Variants in HBP1 observed in about 807,000 individuals in gnomAD.
HBP1 encodes HMG-box transcription factor 1, also known as HMG box-containing protein 1.
HBP1 carries 20 observed loss-of-function variants against 62.6 expected under a neutral mutation model. The ratio of observed to expected loss-of-function variants is 0.32; its 90% CI spans 0.22 to 0.46. HBP1 has a LOEUF of 0.46. Among genes scored for constraint, HBP1 ranks in the 20% least tolerant of loss-of-function variants. The pLI is 1.00. For synonymous variants in HBP1, 232 were observed against 206.2 expected (o/e 1.12, Z -1.07); for missense variants, 480 against 611.8 (o/e 0.78, Z 2.27).
intron 6 of HBP1, among the ~76,000 whole-genome samples, chr7:107,188,062 C>G (rs1369861365): frequency 6.6e-6 from 1 of 152,152 alleles, no homozygotes; most frequent in Non-Finnish European, 1.5e-5. Flanking sequence ...AGATTGTTAA[C>G]CCCTCTGAGT....
intron 1 of HBP1, among the ~76,000 whole-genome samples, chr7:107,175,362 T>C (rs1389261632): frequency 3.3e-5 from 5 of 152,350 alleles, no homozygotes; most frequent in South Asian, 2.1e-4. Context: ...TAGGTACTTT[T>C]ATTGCCATTT....
At chr7:107,194,951 C>A (rs1797818456) in intron 8 of HBP1, among the ~76,000 whole-genome samples, 1 of 152,202 alleles carries the variant, frequency 6.6e-6, no homozygotes, top group Non-Finnish European at 1.5e-5. Flanking sequence ...TGTTATAGGT[C>A]ATGGATGGCC....
intron 8 of HBP1, chr7:107,193,179 T>C (rs2115957171): frequency 6.6e-6 from 1 of 152,342 alleles, no homozygotes; most frequent in Non-Finnish European, 1.5e-5. Flanking sequence ...CAGTTTTGAC[T>C]CTTTGAAGTT....
At chr7:107,171,073 A>ATTTTTTTTTTTTTTTT (rs60734729) in intron 1 of HBP1, among the ~76,000 whole-genome samples, 1 of 87,200 alleles carries the variant, frequency 1.1e-5, no homozygotes, top group East Asian at 3.0e-4. Context: ...ATATATATAT[A>ATTTTTTTTTTTTTTTT]TTTTTTTTTT....
intron 3 of HBP1, among the ~76,000 whole-genome samples, chr7:107,184,372 G>A (rs908458512): frequency 2.6e-5 from 4 of 152,144 alleles, no homozygotes; most frequent in African/African-American, 9.7e-5. Context: ...ATGTGAACAT[G>A]AAAGTATAGA....
At chr7:107,172,483 A>G (rs949115080) in intron 1 of HBP1, among the ~76,000 whole-genome samples, 8 of 152,200 alleles carry the variant, frequency 5.3e-5, no homozygotes, top group Admixed American at 2.0e-4. Flanking sequence ...AAGAATTTTT[A>G]GATGATGTCG....
intron 8 of HBP1, among the ~76,000 whole-genome samples, chr7:107,193,502 T>C (rs1797749770): frequency 6.6e-6 from 1 of 152,178 alleles, no homozygotes; most frequent in African/African-American, 2.4e-5. Context: ...CTTATGTTTA[T>C]TGTTCTTTTT....
chr7:107,169,592 GC>G, intron 1 of HBP1: 1 of 245,392 alleles, frequency 4.1e-6, no homozygotes, highest in Non-Finnish European at 6.5e-6. Flanking sequence ...TCGGAGCTTG[GC>G]CAGGGGTGGG....
At chr7:107,199,262 T>G (rs1007805943) in intron 9 of HBP1, among the ~76,000 whole-genome samples, 1 of 152,018 alleles carries the variant, frequency 6.6e-6, no homozygotes, top group Non-Finnish European at 1.5e-5. Flanking sequence ...ATAGTAGAGA[T>G]GGGGTGACGG....
At chr7:107,195,065 G>A (rs1797826574) in intron 8 of HBP1, among the ~76,000 whole-genome samples, 1 of 152,112 alleles carries the variant, frequency 6.6e-6, no homozygotes, top group South Asian at 2.1e-4. Context: ...TTTTGAGACG[G>A]AGTCTCACTC....
At chr7:107,178,841 T>C (rs1796978323) in intron 1 of HBP1, among the ~76,000 whole-genome samples, 1 of 152,206 alleles carries the variant, frequency 6.6e-6, no homozygotes, top group Admixed American at 6.5e-5. Flanking sequence ...GAGACCAGCC[T>C]GGCCAACATG....
chr7:107,171,721 A>G (rs571503143), intron 1 of HBP1, among the ~76,000 whole-genome samples: 39 of 152,046 alleles, frequency 2.6e-4, no homozygotes, highest in Admixed American at 1.8e-3. Flanking sequence ...TTAGCTGGGC[A>G]TGGTGGCGCA....
intron 3 of HBP1, 40 bp downstream of exon 3, chr7:107,182,641 A>G (rs375199404): frequency 1.4e-5 from 15 of 1,085,422 alleles, no homozygotes; most frequent in African/African-American, 3.1e-5. Context: ...ACATTCTATC[A>G]TTACACAAAG....
chr7:107,177,763 TGAA>T (rs1290221780), intron 1 of HBP1, among the ~76,000 whole-genome samples: 1 of 152,214 alleles, frequency 6.6e-6, no homozygotes, highest in Non-Finnish European at 1.5e-5. Flanking sequence ...TATGTGTACA[TGAA>T]GAAGAAATTG....
At chr7:107,177,808 A>G (rs1260202652) in intron 1 of HBP1, among the ~76,000 whole-genome samples, 1 of 152,218 alleles carries the variant, frequency 6.6e-6, no homozygotes, top group Non-Finnish European at 1.5e-5. Flanking sequence ...AAAAATATCT[A>G]AGTCTGGTTG....
rs1436904135 is a variant in HBP1, at chr7:107,186,162, TTTTC to T, written c.541-195_541-192del. Among the ~76,000 whole-genome samples the T allele has an allele frequency of 1.4e-3, 212 of 147,444 alleles. 1 individual carries two copies. The highest frequency in any genetic ancestry group is 4.6e-3 in the African/African-American group (180 of 39,072). On this transcript the variant is annotated intron_variant, in intron 4 of 10. Transcript: ENST00000222574. ...TTGTGTGTGTCTTTTTTTTCTTTTT[TTTTC>T]TTTTTTTTTTTTTTTTAGCAAATTC...
At position 107,174,684 on chromosome 7, in the gene HBP1, C is replaced by CA. The variant is rs541467468; in HGVS notation, c.-15-5194dup. ...GACCCCAAGAACAGCACTGTTCATACACAGAGGATAGCTCTGAAGAGAGAT... is the reference window on the plus strand; with the variant it reads ...GACCCCAAGAACAGCACTGTTCATACAACAGAGGATAGCTCTGAAGAGAGAT... On this transcript the variant is annotated intron_variant, in intron 1 of 10. Transcript: ENST00000222574. 6.4e-4 allele frequency: 629 copies of CA among 984,584 alleles called. 7 individuals are homozygous for CA. In the South Asian group the frequency reaches 0.013, roughly 20 times the overall value. The allele number at this position is 984,584 out of a possible 1,614,324, so 61.0% of individuals were successfully genotyped here. A position where few individuals can be genotyped will look rare whatever the true frequency, so the allele number is the denominator to read the frequency against.
chr7:107,177,354 A>G (rs995459187), intron 1 of HBP1, among the ~76,000 whole-genome samples: 1 of 152,224 alleles, frequency 6.6e-6, no homozygotes, highest in Admixed American at 6.5e-5. Context: ...TTGTATAGTC[A>G]GTATTGAGCA....
intron 10 of HBP1, 24 bp from the exon 11 acceptor site, chr7:107,201,390 C>G: frequency 6.7e-7 from 1 of 1,501,326 alleles, no homozygotes; most frequent in Non-Finnish European, 9.3e-7. Context: ...TAAACATTCA[C>G]TGAGTTTAAT....
Sources: gnomAD v4.1 joint callset for allele counts (sites outside exome capture counted in the v4.1 genomes callset) on GRCh38, gnomAD v4.1.1 for gene constraint, MANE v1.5 for transcripts, NCBI Gene and HGNC (gene_info 2026-07-23, HGNC 2026-07-21) for gene names.